The following PDE7B variants were observed in gnomAD, a reference collection of about 807,000 sequenced individuals.
PDE7B encodes 3',5'-cyclic-AMP phosphodiesterase 7B.
PDE7B carries 29 observed loss-of-function variants against 56.2 expected under a neutral mutation model. That is an observed-to-expected ratio of 0.52 (90% CI 0.38 to 0.70). PDE7B has a LOEUF of 0.70. Among genes scored for constraint, PDE7B ranks in the 30% least tolerant of loss-of-function variants. The pLI is 0.00. For synonymous variants in PDE7B, 197 were observed against 196.9 expected, an observed-to-expected ratio of 1.00 and a Z score of 0.00; for missense variants, 490 against 565.0, an observed-to-expected ratio of 0.87 and a Z score of 1.35.
intron 9 of PDE7B, among the ~76,000 whole-genome samples, chr6:136,176,698 C>T (rs1778983930): frequency 6.6e-6 from 1 of 152,020 alleles, no homozygotes; most frequent in South Asian, 2.1e-4. Context: ...AATGCTTTTT[C>T]CACTAATTCC....
intron 2 of PDE7B, among the ~76,000 whole-genome samples, chr6:135,984,076 A>G (rs1583811380): frequency 6.6e-6 from 1 of 152,224 alleles, no homozygotes; most frequent in Admixed American, 6.5e-5. Context: ...TGTATCTGGC[A>G]ATTCTTTCAT....
chr6:135,973,573 A>T (rs1041874714), intron 2 of PDE7B, among the ~76,000 whole-genome samples: 7 of 152,144 alleles, frequency 4.6e-5, no homozygotes, highest in Non-Finnish European at 2.9e-5. Flanking sequence ...GCACCTCACC[A>T]TTGTGCCTTC....
At chr6:136,152,205 A>G (rs944650532) in intron 6 of PDE7B, among the ~76,000 whole-genome samples, 1 of 152,204 alleles carries the variant, frequency 6.6e-6, no homozygotes, top group African/African-American at 2.4e-5. Flanking sequence ...ATATATAAAG[A>G]AAACCATCAG....
chr6:136,081,678 T>C (rs1181132151), intron 2 of PDE7B, among the ~76,000 whole-genome samples: 1 of 152,194 alleles, frequency 6.6e-6, no homozygotes, highest in East Asian at 1.9e-4. Context: ...TATCATTCAC[T>C]AGGTAAAATA....
At chr6:136,179,246 C>A in intron 10 of PDE7B, 105 bp downstream of exon 10, 1 of 976,422 alleles carries the variant, frequency 1.0e-6, no homozygotes, top group Non-Finnish European at 1.6e-6. Context: ...GAGGCTGAGG[C>A]ATGGGGATCA....
Position 136,108,728 on chromosome 6 carries a change from T to C in PDE7B, c.83-3T>C. ...GCCTTTGTTTGGATTTTCTGTTTTC[T>C]AGGAGATATACGACTAAGGGGTCAG... On this transcript the variant is annotated splice_region_variant and splice_polypyrimidine_tract_variant and intron_variant, in intron 2 of 12. Transcript: ENST00000308191. The C allele has an allele frequency of 6.3e-7, 1 of 1,595,144 alleles. No individual in the cohort carries two copies.
intron 1 of PDE7B, among the ~76,000 whole-genome samples, chr6:135,864,802 A>G (rs1171748441): frequency 6.6e-6 from 1 of 151,560 alleles, no homozygotes; most frequent in African/African-American, 2.4e-5. Context: ...TTTTATTATT[A>G]TTATTATACT....
chr6:136,181,144 C>A, intron 10 of PDE7B, 83 bp from the exon 11 acceptor site: 1 of 927,348 alleles, frequency 1.1e-6, no homozygotes. Context: ...GACTGAACAG[C>A]TTGATAGCCT....
intron 7 of PDE7B, among the ~76,000 whole-genome samples, chr6:136,154,964 A>G (rs1405658298): frequency 6.6e-6 from 1 of 152,220 alleles, no homozygotes; most frequent in African/African-American, 2.4e-5. Context: ...TCATCCCTGC[A>G]ACATATCCCA....
At chr6:136,075,188 A>G (rs1777110022) in intron 2 of PDE7B, among the ~76,000 whole-genome samples, 1 of 152,218 alleles carries the variant, frequency 6.6e-6, no homozygotes, top group Non-Finnish European at 1.5e-5. Flanking sequence ...TAGCAAGAGC[A>G]TATTTCAGAC....
At chr6:135,926,312 C>G (rs1774188471) in intron 1 of PDE7B, among the ~76,000 whole-genome samples, 1 of 152,128 alleles carries the variant, frequency 6.6e-6, no homozygotes, top group Non-Finnish European at 1.5e-5. Context: ...TGGTCTCAAT[C>G]TCCTGACCTC....
intron 8 of PDE7B, among the ~76,000 whole-genome samples, chr6:136,159,249 C>G (rs555501124): frequency 2.6e-5 from 4 of 152,262 alleles, no homozygotes; most frequent in African/African-American, 9.6e-5. Flanking sequence ...GACCCCACCC[C>G]GTCCTCAAAC....
chr6:135,885,570 C>G (rs1237158756), intron 1 of PDE7B, among the ~76,000 whole-genome samples: 1 of 152,110 alleles, frequency 6.6e-6, no homozygotes, highest in Non-Finnish European at 1.5e-5. Flanking sequence ...GAAGCAATGT[C>G]TATTGCAAAT....
chr6:135,982,284 G>A (rs1287820104), intron 2 of PDE7B, among the ~76,000 whole-genome samples: 2 of 152,132 alleles, frequency 1.3e-5, no homozygotes, highest in Non-Finnish European at 2.9e-5. Flanking sequence ...GACTTGGAAG[G>A]GAACTGGAAG....
At chr6:136,119,505 G>A (rs891427157) in intron 3 of PDE7B, among the ~76,000 whole-genome samples, 3 of 152,176 alleles carry the variant, frequency 2.0e-5, no homozygotes, top group Non-Finnish European at 4.4e-5. Flanking sequence ...TTATTTAACA[G>A]GCCTAAATTG....
At chr6:136,052,306 T>A (rs1374743615) in intron 2 of PDE7B, among the ~76,000 whole-genome samples, 2 of 152,210 alleles carry the variant, frequency 1.3e-5, no homozygotes. Context: ...ACTACATTCA[T>A]TATCTCCAGG....
chr6:136,038,367 C>T (rs779283365), intron 2 of PDE7B: 2 of 1,291,858 alleles, frequency 1.5e-6, no homozygotes, highest in East Asian at 5.5e-5. Flanking sequence ...GTGCTGCCCT[C>T]CTCCCCGGGA....
Position 135,938,697 on chromosome 6 carries a change from T to C in PDE7B, c.22-8767T>C, listed in dbSNP as rs142219473. Among the ~76,000 whole-genome samples, 702 of 152,264 alleles carry C rather than the reference T, an allele frequency of 4.6e-3. 8 individuals carry two copies. Among genetic ancestry groups the C allele is most frequent in the African/African-American group, 0.015 (616 of 41,554 alleles). Reference sequence around the variant, plus strand: ...ACCCATGGAGACAATGCTGCATGACTTGGAGAGTGCAACGTAAGACGCAAT... The same window carrying C: ...ACCCATGGAGACAATGCTGCATGACCTGGAGAGTGCAACGTAAGACGCAAT... On this transcript the variant is annotated intron_variant, in intron 1 of 12. Transcript: ENST00000308191.
intron 2 of PDE7B, chr6:136,038,229 A>C (rs566384533): frequency 3.1e-6 from 4 of 1,294,024 alleles, no homozygotes; most frequent in Admixed American, 2.3e-5. Flanking sequence ...AGCAGCAGCA[A>C]CAGCAGCAGC....
Sources: gnomAD v4.1 joint callset for allele counts (sites outside exome capture counted in the v4.1 genomes callset) on GRCh38, gnomAD v4.1.1 for gene constraint, MANE v1.5 for transcripts, NCBI Gene and HGNC (gene_info 2026-07-23, HGNC 2026-07-21) for gene names.